LYST: variants seen among roughly 807,000 people sequenced by gnomAD.
LYST encodes the protein lysosomal trafficking regulator.
LYST carries 192 observed loss-of-function variants against 413.6 expected under a neutral mutation model. That is an observed-to-expected ratio of 0.46 (90% CI 0.41 to 0.52). The LOEUF (loss-of-function observed/expected upper bound fraction) is 0.52. Among genes scored for constraint, LYST ranks in the 20% least tolerant of loss-of-function variants. LYST has a pLI of 0.00. For synonymous variants in LYST, 1,525 were observed against 1,567.3 expected, an observed-to-expected ratio of 0.97 and a Z score of 0.64; for missense variants, 3,815 against 4,499.9, an observed-to-expected ratio of 0.85 and a Z score of 4.35.
rs1253474445 is a variant in LYST, at chr1:235,775,073, C to G, written c.5474G>C (p.Ser1825Thr). 6.2e-7 allele frequency: 1 copy of G among 1,610,698 alleles called. No homozygotes were observed. The highest frequency in any genetic ancestry group is 1.1e-5 in the South Asian group (1 of 91,044). Residue 1825 changes from serine to threonine, a missense_variant, in exon 18 of 53, where the codon AGT (serine) becomes ACT (threonine). Transcript: ENST00000389793. ...TAATGCTTGAGTTTCTTCACAGCTA[C>G]TGAGTTCAACAACCTAAAAAAAAAA... ...VFLFARVVEL[S>T]SCEETQALAL...
chr1:235,692,338 AAACCAACCAACC>A (rs562915674), intron 47 of LYST, among the ~76,000 whole-genome samples: 3 of 151,196 alleles, frequency 2.0e-5, no homozygotes, highest in Non-Finnish European at 2.9e-5. Context: ...ATCTCATAAC[AAACCAACCAACC>A]AACCAACCAA....
chr1:235,745,543 G>A (rs753341295), intron 29 of LYST, among the ~76,000 whole-genome samples: 14 of 152,076 alleles, frequency 9.2e-5, no homozygotes, highest in South Asian at 4.1e-4. Flanking sequence ...TGTAATTACC[G>A]TATGACCCAG....
At chr1:235,841,747 G>C (rs1677236422) in intron 1 of LYST, among the ~76,000 whole-genome samples, 1 of 152,188 alleles carries the variant, frequency 6.6e-6, no homozygotes, top group Non-Finnish European at 1.5e-5. Context: ...CTGAGGGAAA[G>C]GAGGTAAGGA....
Position 235,808,779 on chromosome 1 carries a change from C to T in LYST, c.2039G>A (p.Ser680Asn). The T allele has an allele frequency of 6.2e-7, 1 of 1,614,004 alleles. No individual in the cohort carries two copies. The highest frequency in any genetic ancestry group is 8.5e-7 in the Non-Finnish European group (1 of 1,179,976). The change falls in exon 5 of 53, where the codon AGC becomes AAC. Residue 680 changes from serine to asparagine, a missense_variant. By Grantham distance (46) the Ser-to-Asn change is conservative. Coordinates refer to ENST00000389793, the MANE Select transcript of LYST (RefSeq NM_000081.4). ...CCACAACAAATCTTCAGATCCACTG[C>T]TGGGCAGGATCCCTTGAAATCTGTA... ...PSYRFQGILP[S>N]SGSEDLLWKW... is the part of the protein sequence containing the mutation.
chr1:235,795,470 G>A (rs554470194), intron 10 of LYST, among the ~76,000 whole-genome samples: 2 of 152,298 alleles, frequency 1.3e-5, no homozygotes, highest in Admixed American at 6.5e-5. Context: ...ATCAAGAAAG[G>A]GATGCCTTTT....
intron 46 of LYST, among the ~76,000 whole-genome samples, chr1:235,693,910 A>T (rs1660871703): frequency 6.6e-6 from 1 of 152,176 alleles, no homozygotes; most frequent in Non-Finnish European, 1.5e-5. Context: ...AGTGGAAGCA[A>T]CACCTAGCCT....
At chr1:235,837,355 C>A (rs1676682798) in intron 1 of LYST, among the ~76,000 whole-genome samples, 1 of 152,136 alleles carries the variant, frequency 6.6e-6, no homozygotes, top group Non-Finnish European at 1.5e-5. Flanking sequence ...CTGGCGGGTG[C>A]AGTGGCTCAA....
chr1:235,753,554 C>G (rs976571126), intron 25 of LYST, among the ~76,000 whole-genome samples: 13 of 152,190 alleles, frequency 8.5e-5, no homozygotes, highest in African/African-American at 3.1e-4. Flanking sequence ...ATCCATGAGC[C>G]CTTTATGTCC....
intron 11 of LYST, 76 bp downstream of exon 11, chr1:235,793,427 T>C: frequency 8.2e-6 from 6 of 734,138 alleles, no homozygotes; most frequent in Non-Finnish European, 1.4e-5. Flanking sequence ...TTCTAAATAA[T>C]TAAAAATACA....
At chr1:235,804,090 T>G (rs1027824298) in intron 7 of LYST, among the ~76,000 whole-genome samples, 9 of 152,132 alleles carry the variant, frequency 5.9e-5, no homozygotes, top group Non-Finnish European at 1.2e-4. Context: ...TGATTTAAAA[T>G]TAATGTGAGT....
At chr1:235,716,946 G>A (rs551341555) in intron 40 of LYST, among the ~76,000 whole-genome samples, 168 bp from the exon 41 acceptor site, 236 of 152,270 alleles carry the variant, frequency 1.5e-3, no homozygotes, top group Non-Finnish European at 2.9e-3. Flanking sequence ...TCAAAATTAT[G>A]ATTTCAGAAA....
At chr1:235,876,589 G>A (rs1378027837) in intron 1 of LYST, among the ~76,000 whole-genome samples, 1 of 152,206 alleles carries the variant, frequency 6.6e-6, no homozygotes, top group Non-Finnish European at 1.5e-5. Context: ...TACTTGGGGA[G>A]ATTTTATTTA....
At chr1:235,841,049 C>A (rs981259382) in intron 1 of LYST, among the ~76,000 whole-genome samples, 1 of 152,190 alleles carries the variant, frequency 6.6e-6, no homozygotes, top group Non-Finnish European at 1.5e-5. Flanking sequence ...CCACTCCACA[C>A]CAGGTGAGCT....
intron 50 of LYST, among the ~76,000 whole-genome samples, chr1:235,670,457 C>T (rs1658842917): frequency 6.6e-6 from 1 of 152,206 alleles, no homozygotes; most frequent in Admixed American, 6.5e-5. Context: ...AATGGGGGCA[C>T]ATCTGGGATC....
intron 20 of LYST, among the ~76,000 whole-genome samples, chr1:235,768,300 A>G (rs973434565): frequency 5.9e-5 from 9 of 152,066 alleles, no homozygotes; most frequent in Admixed American, 3.3e-4. Flanking sequence ...ATCAAGTCCT[A>G]TGAATTCTAT....
In LYST at chr1:235,830,332, G is replaced by A. The variant is rs1310444782; in HGVS notation, c.86C>T (p.Ala29Val). Residue 29 changes from alanine to valine, a missense_variant, in exon 3 of 53, where the codon GCC (alanine) becomes GTC (valine). By Grantham distance (64) the Ala-to-Val change is moderately conservative. This residue lies in a region of LYST where 1,648 missense variants were observed against 1,810.3 expected (regional missense o/e 0.91). Coordinates refer to ENST00000389793, the MANE Select transcript of LYST (RefSeq NM_000081.4). ...CGTCTCCTCCTCTTCTTCCTCCCTG[G>A]CCTCCACCCTCTGGACCACTGCATT... The part of the protein sequence containing the change: ...LCNAVVQRVE[A>V]REEEEEETHM... The A allele has an allele frequency of 8.1e-6, 13 of 1,613,500 alleles. No homozygotes were observed. The highest frequency in any genetic ancestry group is 1.1e-5 in the South Asian group (1 of 91,056).
chr1:235,676,050 C>T (rs1205924799), intron 50 of LYST, among the ~76,000 whole-genome samples: 1 of 152,150 alleles, frequency 6.6e-6, no homozygotes, highest in Non-Finnish European at 1.5e-5. Context: ...GAAATGCAAA[C>T]AGAAAATTCA....
chr1:235,711,668 T>C (rs1299272695), intron 43 of LYST, among the ~76,000 whole-genome samples: 2 of 152,186 alleles, frequency 1.3e-5, no homozygotes, highest in East Asian at 3.8e-4. Context: ...TTTATTTTGG[T>C]CATTCCTCAT....
chr1:235,866,478 G>A (rs2103208574), intron 1 of LYST, among the ~76,000 whole-genome samples: 1 of 152,306 alleles, frequency 6.6e-6, no homozygotes, highest in African/African-American at 2.4e-5. Context: ...ATAAAATAAA[G>A]GTAGCAACAC....
Sources: gnomAD v4.1 joint callset for allele counts (sites outside exome capture counted in the v4.1 genomes callset) on GRCh38, gnomAD v4.1.1 for gene constraint, gnomAD v4.1.1 regional missense constraint, MANE v1.5 for transcripts, NCBI Gene and HGNC (gene_info 2026-07-23, HGNC 2026-07-21) for gene names.